SH3PXD2A: variants seen among roughly 807,000 people sequenced by gnomAD.
SH3PXD2A encodes SH3 and PX domain-containing protein 2A.
A neutral mutation model predicts 115.2 loss-of-function variants in SH3PXD2A; 32 were observed. The observed-to-expected ratio is 0.28, with a 90% CI of 0.21 to 0.37. The LOEUF (loss-of-function observed/expected upper bound fraction) is 0.37, where lower values mean the gene tolerates loss of function less well. Among genes scored for constraint, SH3PXD2A ranks in the 10% least tolerant of loss-of-function variants. The probability of loss-of-function intolerance (pLI) is 1.00; values close to 1 mark genes in which losing one functional copy is unlikely to be tolerated. For synonymous variants in SH3PXD2A, 610 were observed against 629.1 expected (o/e 0.97, Z 0.45); for missense variants, 1,328 against 1,498.7 (o/e 0.89, Z 1.88).
At chr10:103,768,755 T>A (rs892605423) in intron 2 of SH3PXD2A, among the ~76,000 whole-genome samples, 14 of 152,140 alleles carry the variant, frequency 9.2e-5, no homozygotes, top group African/African-American at 3.4e-4. Context: ...TTTGTCTTAG[T>A]CTGTTTAATG....
intron 2 of SH3PXD2A, among the ~76,000 whole-genome samples, chr10:103,795,644 A>G (rs991485318): frequency 1.1e-4 from 16 of 152,248 alleles, no homozygotes; most frequent in South Asian, 2.1e-4. Context: ...AGGTTTCCCT[A>G]TAATATGTCT....
At chr10:103,689,678 C>T (rs1293084921) in intron 6 of SH3PXD2A, among the ~76,000 whole-genome samples, 1 of 151,992 alleles carries the variant, frequency 6.6e-6, no homozygotes, top group Non-Finnish European at 1.5e-5. Flanking sequence ...AAACAAAAAA[C>T]AAAAAACGAG....
intron 8 of SH3PXD2A, among the ~76,000 whole-genome samples, chr10:103,632,435 T>C (rs977385361): frequency 6.6e-6 from 1 of 152,196 alleles, no homozygotes; most frequent in African/African-American, 2.4e-5. Flanking sequence ...TCTGAGCTGC[T>C]GGCACCTGGC....
At chr10:103,624,402 A>G (rs1328543372) in intron 9 of SH3PXD2A, among the ~76,000 whole-genome samples, 1 of 152,188 alleles carries the variant, frequency 6.6e-6, no homozygotes, top group Non-Finnish European at 1.5e-5. Context: ...TGGCTCTATC[A>G]CAAATGAACC....
At chr10:103,611,479 C>T (rs2133928684) in intron 13 of SH3PXD2A, 102 bp downstream of exon 13, 1 of 1,119,254 alleles carries the variant, frequency 8.9e-7, no homozygotes. Context: ...CTGGAAAACC[C>T]CTGGATCAAG....
Position 103,623,098 on chromosome 10 carries a change from A to C in SH3PXD2A, c.719-545T>G, listed in dbSNP as rs116835347. Among the ~76,000 whole-genome samples the C allele has an allele frequency of 3.0e-3, 462 of 152,294 alleles. 2 individuals carry two copies. The highest frequency in any genetic ancestry group is 0.011 in the African/African-American group (447 of 41,552). ...CCTTGCGGGGCTGAGAGCTCTCGCC[A>C]TTCTGGGAACCCTTCCCTGTGTCTC... On this transcript the variant is annotated intron_variant, in intron 9 of 14. Transcript: ENST00000369774.
chr10:103,732,917 C>T (rs2038339265), intron 4 of SH3PXD2A, among the ~76,000 whole-genome samples: 1 of 152,154 alleles, frequency 6.6e-6, no homozygotes, highest in South Asian at 2.1e-4. Context: ...TGTCTGGAGG[C>T]CAGCTGTGAA....
rs146442778 is a variant in SH3PXD2A at position 103,721,133 on chromosome 10, G to A, written c.398+3137C>T. ...GCCCCTCCCTGCAAAAGTCAGGTAG[G>A]GACGGAACGTGCACACATTCCATTC... On this transcript the variant is annotated intron_variant, in intron 5 of 14. Coordinates refer to ENST00000369774, the MANE Select transcript of SH3PXD2A (RefSeq NM_001394015.1). Among the ~76,000 whole-genome samples, 1,091 of 152,360 alleles carry A rather than the reference G, an allele frequency of 7.2e-3. 20 individuals carry two copies. Among genetic ancestry groups the A allele is most frequent in the African/African-American group, 0.025 (1,020 of 41,588 alleles).
chr10:103,727,263 C>G (rs535247161), intron 4 of SH3PXD2A, among the ~76,000 whole-genome samples: 2 of 152,308 alleles, frequency 1.3e-5, no homozygotes, highest in South Asian at 4.1e-4. Flanking sequence ...ATGGGTGGAG[C>G]ATGCCTCCAG....
intron 12 of SH3PXD2A, 54 bp downstream of exon 12, chr10:103,612,799 C>T: frequency 1.5e-6 from 2 of 1,330,946 alleles, no homozygotes; most frequent in East Asian, 2.4e-5. Context: ...GGCACCCATG[C>T]CCATTCTCTA....
chr10:103,668,911 C>T (rs930449670), intron 6 of SH3PXD2A, among the ~76,000 whole-genome samples: 5 of 152,346 alleles, frequency 3.3e-5, no homozygotes, highest in East Asian at 3.9e-4. Context: ...AGGACTCCTT[C>T]GGAGCACAGA....
chr10:103,643,580 T>G (rs1481536037), intron 8 of SH3PXD2A, among the ~76,000 whole-genome samples: 5 of 152,146 alleles, frequency 3.3e-5, no homozygotes, highest in Non-Finnish European at 5.9e-5. Flanking sequence ...TGGGTCAGAT[T>G]TGCTCTTGGT....
At chr10:103,611,812 A>T (rs541195901) in intron 12 of SH3PXD2A, among the ~76,000 whole-genome samples, 182 bp from the exon 13 acceptor site, 3 of 152,204 alleles carry the variant, frequency 2.0e-5, no homozygotes, top group Non-Finnish European at 4.4e-5. Flanking sequence ...TCAAGGGGAA[A>T]CTATAGACCT....
At chr10:103,719,582 CA>C (rs2038153054) in intron 5 of SH3PXD2A, among the ~76,000 whole-genome samples, 1 of 152,188 alleles carries the variant, frequency 6.6e-6, no homozygotes, top group Admixed American at 6.5e-5. Context: ...AGAACAAAGA[CA>C]AGTTCATACT....
chr10:103,825,946 G>A (rs1338554930), intron 1 of SH3PXD2A, among the ~76,000 whole-genome samples: 1 of 151,948 alleles, frequency 6.6e-6, no homozygotes, highest in African/African-American at 2.4e-5. Flanking sequence ...TGTATTTTTA[G>A]TAGAGATAGG....
intron 6 of SH3PXD2A, among the ~76,000 whole-genome samples, chr10:103,679,649 C>A (rs1279386494): frequency 6.6e-6 from 1 of 152,212 alleles, no homozygotes; most frequent in Non-Finnish European, 1.5e-5. Flanking sequence ...GCTCACAGGC[C>A]AGAAGAACTT....
chr10:103,639,406 T>C (rs1221381652), intron 8 of SH3PXD2A, among the ~76,000 whole-genome samples: 1 of 151,666 alleles, frequency 6.6e-6, no homozygotes, highest in Admixed American at 6.6e-5. Flanking sequence ...GGTCAAGAGA[T>C]TGAGACCATC....
intron 6 of SH3PXD2A, among the ~76,000 whole-genome samples, chr10:103,682,356 G>T (rs2037621861): frequency 6.6e-6 from 1 of 152,250 alleles, no homozygotes; most frequent in African/African-American, 2.4e-5. Flanking sequence ...TGGCCGCAGA[G>T]TTGCCAAATC....
At chr10:103,688,123 C>T (rs771157486) in intron 6 of SH3PXD2A, among the ~76,000 whole-genome samples, 3 of 152,214 alleles carry the variant, frequency 2.0e-5, no homozygotes, top group Non-Finnish European at 4.4e-5. Context: ...GGTCAGTCTC[C>T]CAACAAGCCA....
Sources: allele counts gnomAD v4.1 joint callset (sites outside exome capture counted in the v4.1 genomes callset), GRCh38; gene constraint gnomAD v4.1.1; transcripts MANE v1.5; gene names NCBI Gene and HGNC (gene_info 2026-07-23, HGNC 2026-07-21).